ASB2: variants seen among roughly 807,000 people sequenced by gnomAD.
ASB2 encodes ankyrin repeat and SOCS box containing 2, also known as ankyrin repeat and SOCS box protein 2.
Under a neutral mutation model 62.4 loss-of-function variants are expected in ASB2, and 58 were observed. The observed-to-expected ratio is 0.93, with a 90% confidence interval of 0.75 to 1.16. ASB2 has a LOEUF of 1.16. Among genes scored for constraint, ASB2 ranks in the 50% most tolerant of loss-of-function variants. The pLI, the probability that ASB2 is intolerant of heterozygous loss-of-function variation, is 0.00. For synonymous variants in ASB2, 386 were observed against 385.3 expected, an observed-to-expected ratio of 1.00 and a Z score of -0.02; for missense variants, 928 against 887.9, an observed-to-expected ratio of 1.05 and a Z score of -0.57.
In ASB2 at chr14:93,937,736, T is replaced by G; in HGVS notation, c.1733A>C (p.Asp578Ala). 1 of 1,612,816 alleles carries G rather than the reference T, an allele frequency of 6.2e-7. No individual in the cohort carries two copies. The highest frequency in any genetic ancestry group is 2.2e-5 in the East Asian group (1 of 44,844). Reference protein sequence around the residue: ...QLCSRLKEHIDSFEDWAVIKE... With the variant: ...QLCSRLKEHIASFEDWAVIKE... ...GATGACGGCCCAGTCCTCAAAGCTGTCGATGTGTTCCTTCAGCCGCGAGCA... is the reference window on the plus strand; with the variant it reads ...GATGACGGCCCAGTCCTCAAAGCTGGCGATGTGTTCCTTCAGCCGCGAGCA... The change falls in exon 9 of 10, where the codon GAC becomes GCC. Residue 578 changes from aspartate to alanine, a missense_variant. By Grantham distance (126) the Asp-to-Ala change is moderately radical. Coordinates refer to ENST00000555019, the MANE Select transcript of ASB2 (RefSeq NM_001202429.2).
chr14:93,968,783 G>A (rs1889669290), intron 1 of ASB2, among the ~76,000 whole-genome samples: 1 of 152,208 alleles, frequency 6.6e-6, no homozygotes, highest in Admixed American at 6.5e-5. Context: ...AACTTCTGAG[G>A]AGCAGGACTA....
At chr14:93,964,662 C>T in intron 1 of ASB2, 50 bp from the exon 2 acceptor site, 1 of 812,414 alleles carries the variant, frequency 1.2e-6, no homozygotes, top group African/African-American at 1.7e-5. Context: ...TGCAGGATAG[C>T]TATATTTACC....
At chr14:93,971,222 C>A (rs1025350080) in intron 1 of ASB2, among the ~76,000 whole-genome samples, 13 of 152,258 alleles carry the variant, frequency 8.5e-5, no homozygotes, top group African/African-American at 3.1e-4. Context: ...GGGCTGTGCG[C>A]AGAGCCTGCC....
chr14:93,947,543 C>T, intron 6 of ASB2, 23 bp from the exon 7 acceptor site: 1 of 1,610,198 alleles, frequency 6.2e-7, no homozygotes, highest in South Asian at 1.1e-5. Context: ...AAGAGATCAG[C>T]AAGTGGCCAA....
chr14:93,960,089 A>T (rs1158440125), intron 2 of ASB2, among the ~76,000 whole-genome samples: 3 of 152,164 alleles, frequency 2.0e-5, no homozygotes, highest in Non-Finnish European at 4.4e-5. Context: ...TGCACCAAGC[A>T]TCTCATTTAA....
rs201504021 is a variant in ASB2, at chr14:93,947,417, G to A, written c.984C>T (p.Ala328=). The A allele has an allele frequency of 4.2e-5, 67 of 1,614,196 alleles. No individual in the cohort carries two copies. Among genetic ancestry groups the A allele is most frequent in the Non-Finnish European group, 4.0e-5 (47 of 1,180,034 alleles). Residue 328 remains alanine (A), a synonymous_variant, in exon 7 of 10, where the codon GCC becomes GCT. Transcript: ENST00000555019. ...CGTCCTTGTTGGTCTTGTTGGCGTC[G>A]GCACCCTGTGACAGCAGAAACTCCA... is the stretch of plus-strand genomic sequence containing the variant. The part of the protein sequence containing the change: ...EVVEFLLSQG[A]DANKTNKDGL...
chr14:93,947,611 T>C, intron 6 of ASB2, 91 bp from the exon 7 acceptor site: 1 of 1,318,826 alleles, frequency 7.6e-7, no homozygotes, highest in Non-Finnish European at 1.1e-6. Context: ...CCTGCTGTGC[T>C]AACCACGGTA....
At chr14:93,947,259 G>T (rs985612088) in intron 7 of ASB2, 90 bp downstream of exon 7, 2 of 1,404,050 alleles carry the variant, frequency 1.4e-6, no homozygotes, top group Non-Finnish European at 9.9e-7. Flanking sequence ...CTGTGGGTGG[G>T]ACATTCAGGG....
intron 2 of ASB2, among the ~76,000 whole-genome samples, chr14:93,960,669 C>T (rs2141307519): frequency 6.6e-6 from 1 of 152,244 alleles, no homozygotes; most frequent in Middle Eastern, 3.4e-3. Flanking sequence ...GGGACCAAAG[C>T]TTGGCAAATG....
intron 8 of ASB2, 62 bp downstream of exon 8, chr14:93,939,046 C>T (rs1888390132): frequency 1.5e-6 from 2 of 1,355,878 alleles, no homozygotes; most frequent in Non-Finnish European, 1.9e-6. Flanking sequence ...CTCCCATGCG[C>T]GCGCGCGTCC....
At position 93,947,866 on chromosome 14, in the gene ASB2, C is replaced by T. The variant is rs553698094; in HGVS notation, c.881-346G>A. 1.1e-4 allele frequency among the ~76,000 whole-genome samples: 17 copies of T among 151,818 alleles called. No individual in the cohort carries two copies. In the Middle Eastern group the frequency reaches 0.01, roughly 91 times the overall value. On this transcript the variant is annotated intron_variant, in intron 6 of 9. Transcript: ENST00000555019. The stretch of plus-strand genomic sequence containing the variant: ...AAAATTAGCTGGGCATGGTGGTGGG[C>T]GCCAGTAATCCCAGCTACTCGGGAG...
chr14:93,943,676 G>A (rs1345102720), intron 7 of ASB2, among the ~76,000 whole-genome samples: 1 of 152,164 alleles, frequency 6.6e-6, no homozygotes, highest in African/African-American at 2.4e-5. Flanking sequence ...ATTGGCTGGA[G>A]GATTGACATG....
chr14:93,939,003 C>G (rs1283738274), intron 8 of ASB2, 105 bp downstream of exon 8: 3 of 1,056,524 alleles, frequency 2.8e-6, no homozygotes, highest in African/African-American at 1.7e-5. Context: ...CCACGCTGCT[C>G]CCAAGGAGCG....
chr14:93,970,165 G>A (rs1353645389), intron 1 of ASB2, among the ~76,000 whole-genome samples: 1 of 152,184 alleles, frequency 6.6e-6, no homozygotes, highest in African/African-American at 2.4e-5. Flanking sequence ...GGGGTGGGAG[G>A]TGGTCACTCT....
chr14:93,968,104 T>C (rs1370036537), intron 1 of ASB2, among the ~76,000 whole-genome samples: 1 of 152,144 alleles, frequency 6.6e-6, no homozygotes, highest in Non-Finnish European at 1.5e-5. Context: ...AGACAGCACA[T>C]GGCTGCAGTG....
At chr14:93,963,537 G>A (rs1372309479) in intron 2 of ASB2, among the ~76,000 whole-genome samples, 1 of 152,224 alleles carries the variant, frequency 6.6e-6, no homozygotes, top group African/African-American at 2.4e-5. Flanking sequence ...TGCACCGTCT[G>A]ATAAGGTAGT....
Position 93,939,557 on chromosome 14 carries a change from T to A in ASB2, c.1168A>T (p.Ser390Cys). Residue 390 changes from serine to cysteine, a missense_variant, in exon 8 of 10, where the codon AGC becomes TGC. By Grantham distance (112) the Ser-to-Cys change is moderately radical. Coordinates refer to ENST00000555019, the MANE Select transcript of ASB2 (RefSeq NM_001202429.2). ...GGCGTGTTCACGTCGAAGCGCGCGC[T>A]CAGCAGCGCCTCCAGCACCTCGTCG... ...NHDEVLEALL[S>C]ARFDVNTPLA... The A allele has an allele frequency of 1.3e-6, 2 of 1,595,388 alleles. No individual in the cohort carries two copies. The highest frequency in any genetic ancestry group is 1.7e-6 in the Non-Finnish European group (2 of 1,173,278).
chr14:93,937,744 T>G lies in ASB2; in HGVS notation c.1725A>C (p.Glu575Asp). Residue 575 changes from glutamate to aspartate, a missense_variant, in exon 9 of 10, where the codon GAA becomes GAC. By Grantham distance (45) the Glu-to-Asp change is conservative. Coordinates refer to ENST00000555019, the MANE Select transcript of ASB2 (RefSeq NM_001202429.2). ...GNVQLCSRLK[E>D]HIDSFEDWAV... Reference sequence around the variant, plus strand: ...CCCAGTCCTCAAAGCTGTCGATGTGTTCCTTCAGCCGCGAGCAGAGCTGCA... The same window carrying G: ...CCCAGTCCTCAAAGCTGTCGATGTGGTCCTTCAGCCGCGAGCAGAGCTGCA... The G allele has an allele frequency of 6.2e-7, 1 of 1,613,068 alleles. No individual in the cohort carries two copies. Among genetic ancestry groups the G allele is most frequent in the Non-Finnish European group, 8.5e-7 (1 of 1,179,074 alleles).
chr14:93,937,236 C>T lies in ASB2; in HGVS notation c.1771+462G>A, dbSNP rs74073592. 3.3e-3 allele frequency among the ~76,000 whole-genome samples: 499 copies of T among 152,280 alleles called. 1 individual carries two copies. The highest frequency in any genetic ancestry group is 0.011 in the African/African-American group (474 of 41,556). ...GGAGCCTGTTGAAATGCAGACTCCCCGGCCCCGCCCCAGACCTGCGGAATC... is the reference window on the plus strand; with the variant it reads ...GGAGCCTGTTGAAATGCAGACTCCCTGGCCCCGCCCCAGACCTGCGGAATC... On this transcript the variant is annotated intron_variant, in intron 9 of 9. Transcript: ENST00000555019.
Sources: allele counts gnomAD v4.1 joint callset (sites outside exome capture counted in the v4.1 genomes callset), GRCh38; gene constraint gnomAD v4.1.1; transcripts MANE v1.5; gene names NCBI Gene and HGNC (gene_info 2026-07-23, HGNC 2026-07-21).